The following LSM2 variants were observed in gnomAD, a reference collection of about 807,000 sequenced individuals.
LSM2 encodes the protein LSM2 homolog, U6 small nuclear RNA and mRNA degradation associated.
A neutral mutation model predicts 17.0 loss-of-function variants in LSM2; 12 were observed. That is an observed-to-expected ratio of 0.70 (90% CI 0.45 to 1.14). LSM2 has a LOEUF of 1.14. Among genes scored for constraint, LSM2 ranks in the 50% most tolerant of loss-of-function variants. LSM2 has a pLI of 0.00. For missense variants in LSM2, 62 were observed against 111.8 expected, an observed-to-expected ratio of 0.55 and a Z score of 2.01; for synonymous variants, 42 against 44.5, an observed-to-expected ratio of 0.94 and a Z score of 0.22.
chr6:31,806,898 C>G lies in LSM2; in HGVS notation c.-141G>C. ...CAGCGGGAAGCGACGCAGAAAGCTC[C>G]AAGCGCTGACGGGCAAAGCGCGGCC... On this transcript the variant is annotated 5_prime_UTR_variant, in exon 1 of 5. Coordinates refer to ENST00000375661, the MANE Select transcript of LSM2 (RefSeq NM_021177.5). The G allele has an allele frequency of 8.6e-7, 1 of 1,164,792 alleles. No individual in the cohort carries two copies. Among genetic ancestry groups the G allele is most frequent in the Non-Finnish European group, 1.2e-6 (1 of 847,356 alleles). 72.2% of individuals were successfully genotyped at this position (1,164,792 alleles called of 1,614,324 possible).
chr6:31,805,805 C>T (rs1815000201), intron 2 of LSM2, among the ~76,000 whole-genome samples: 1 of 152,040 alleles, frequency 6.6e-6, no homozygotes, highest in South Asian at 2.1e-4. Context: ...TAAAATTTTT[C>T]TTAGAGATGG....
At chr6:31,803,993 C>CA (rs757528222) in intron 2 of LSM2, among the ~76,000 whole-genome samples, 4 of 152,080 alleles carry the variant, frequency 2.6e-5, no homozygotes, top group Non-Finnish European at 5.9e-5. Context: ...TGCTTGAACT[C>CA]AAAGAATTTG....
At chr6:31,805,952 T>A (rs1815006423) in intron 2 of LSM2, 123 bp downstream of exon 2, 2 of 824,038 alleles carry the variant, frequency 2.4e-6, no homozygotes, top group Non-Finnish European at 3.9e-6. Flanking sequence ...CACTGCACCC[T>A]ATCCATTTAT....
chr6:31,797,445 C>T lies in LSM2; in HGVS notation c.*312G>A, dbSNP rs562128678. The stretch of plus-strand genomic sequence containing the variant: ...ATGCGGGACAGATTCCTTCCATCCC[C>T]AAATGAATCACATGCTGCCCTGGAA... On this transcript the variant is annotated 3_prime_UTR_variant, in exon 5 of 5. Coordinates refer to ENST00000375661, the MANE Select transcript of LSM2 (RefSeq NM_021177.5). 5.6e-5 allele frequency: 19 copies of T among 340,666 alleles called. No homozygotes were observed. The highest frequency in any genetic ancestry group is 9.7e-5 in the Non-Finnish European group (18 of 185,638). The allele number at this position is 340,666 out of a possible 1,614,324, so 21.1% of individuals were successfully genotyped here.
chr6:31,805,667 G>A (rs1814991627), intron 2 of LSM2, among the ~76,000 whole-genome samples: 1 of 151,806 alleles, frequency 6.6e-6, no homozygotes. Flanking sequence ...CAGCCCGTGA[G>A]CCACTGCGCC....
Position 31,801,065 on chromosome 6 carries a change from G to T in LSM2, c.72-2558C>A, listed in dbSNP as rs1197794785. Among the ~76,000 whole-genome samples the T allele has an allele frequency of 2.6e-5, 4 of 151,410 alleles. No individual in the cohort carries two copies. In the East Asian group the frequency reaches 5.8e-4, roughly 22 times the overall value. On this transcript the variant is annotated intron_variant, in intron 2 of 4. Coordinates refer to ENST00000375661, the MANE Select transcript of LSM2 (RefSeq NM_021177.5). ...GCATGCCTGTAGTCCCAGGTATACAGGAGGCTGAGGCACGAGAATCATTTG... is the reference window on the plus strand; with the variant it reads ...GCATGCCTGTAGTCCCAGGTATACATGAGGCTGAGGCACGAGAATCATTTG...
chr6:31,798,089 T>C (rs750616911), intron 3 of LSM2, 40 bp from the exon 4 acceptor site: 2 of 1,465,728 alleles, frequency 1.4e-6, no homozygotes, highest in Non-Finnish European at 9.0e-7. Context: ...TTATTATTTT[T>C]TTTTTTTTGA....
At chr6:31,798,733 C>CTTTTTTTTT (rs9281580) in intron 2 of LSM2, among the ~76,000 whole-genome samples, 2 of 89,866 alleles carry the variant, frequency 2.2e-5, no homozygotes, top group Admixed American at 1.4e-4. Flanking sequence ...CCAATCCATT[C>CTTTTTTTTT]TTTTTTTTTT....
At chr6:31,806,019 G>T in intron 2 of LSM2, 56 bp downstream of exon 2, 1 of 1,485,276 alleles carries the variant, frequency 6.7e-7, no homozygotes, top group Non-Finnish European at 9.4e-7. Flanking sequence ...AATTAAAGAG[G>T]TTCCAGGGCC....
chr6:31,803,155 C>T (rs921533737), intron 2 of LSM2, among the ~76,000 whole-genome samples: 6 of 152,166 alleles, frequency 3.9e-5, no homozygotes, highest in African/African-American at 9.7e-5. Flanking sequence ...TGTTCTAAAA[C>T]GCAAAGGCCC....
At chr6:31,805,309 C>T (rs918699677) in intron 2 of LSM2, among the ~76,000 whole-genome samples, 1 of 152,064 alleles carries the variant, frequency 6.6e-6, no homozygotes, top group Non-Finnish European at 1.5e-5. Flanking sequence ...ATCCTCCTGC[C>T]TCAGCCTCCC....
In LSM2 at chr6:31,797,666, C is replaced by T; in HGVS notation, c.*91G>A. Reference sequence around the variant, plus strand: ...ACCATCATTAGTAAAAAAACAAAACCCCTTCAAGTATTGGGGGTTAGGGGT... The same window carrying T: ...ACCATCATTAGTAAAAAAACAAAACTCCTTCAAGTATTGGGGGTTAGGGGT... On this transcript the variant is annotated 3_prime_UTR_variant, in exon 5 of 5. Coordinates refer to ENST00000375661, the MANE Select transcript of LSM2 (RefSeq NM_021177.5). 6.4e-7 allele frequency: 1 copy of T among 1,574,528 alleles called. No homozygotes were observed. Among genetic ancestry groups the T allele is most frequent in the East Asian group, 2.2e-5 (1 of 44,450 alleles).
chr6:31,806,216 C>T, intron 1 of LSM2, 74 bp from the exon 2 acceptor site: 1 of 1,327,060 alleles, frequency 7.5e-7, no homozygotes, highest in Non-Finnish European at 1.1e-6. Context: ...GACAGTATTA[C>T]CAAATACTGG....
At chr6:31,805,745 A>T (rs1814997065) in intron 2 of LSM2, among the ~76,000 whole-genome samples, 1 of 152,158 alleles carries the variant, frequency 6.6e-6, no homozygotes, top group African/African-American at 2.4e-5. Context: ...TACAATCTCT[A>T]AGCTTATCTG....
intron 2 of LSM2, among the ~76,000 whole-genome samples, chr6:31,803,725 C>T (rs1010575837): frequency 2.6e-5 from 4 of 151,852 alleles, no homozygotes; most frequent in African/African-American, 7.3e-5. Context: ...GGATTACAGG[C>T]GCACAACACA....
chr6:31,805,675 G>A (rs1814992213), intron 2 of LSM2, among the ~76,000 whole-genome samples: 1 of 151,818 alleles, frequency 6.6e-6, no homozygotes, highest in Non-Finnish European at 1.5e-5. Flanking sequence ...GAGCCACTGC[G>A]CCTGACCTGT....
In LSM2 at chr6:31,797,546, A is replaced by G; in HGVS notation, c.*211T>C. 1 of 644,376 alleles carries G rather than the reference A, an allele frequency of 1.6e-6. No individual in the cohort carries two copies. 39.9% of individuals were successfully genotyped at this position (644,376 alleles called of 1,614,324 possible). ...GTGCTGGGGACTGGGAAGGCTTTGA[A>G]GTTTCCCAGCCTACTTATCCTCCCC... On this transcript the variant is annotated 3_prime_UTR_variant, in exon 5 of 5. Transcript: ENST00000375661.
At chr6:31,799,987 T>C (rs867851180) in intron 2 of LSM2, among the ~76,000 whole-genome samples, 1 of 152,094 alleles carries the variant, frequency 6.6e-6, no homozygotes, top group Admixed American at 6.6e-5. Context: ...TGAAGCCAGC[T>C]GGAGAACAGC....
chr6:31,797,406 A>G lies in LSM2; in HGVS notation c.*351T>C, dbSNP rs1408607924. ...GAACCAAAACACAAATTTGCATCAT[A>G]AATTTTATTCCCGATGCGGGACAGA... On this transcript the variant is annotated 3_prime_UTR_variant, in exon 5 of 5. Transcript: ENST00000375661. 2 of 232,478 alleles carry G rather than the reference A, an allele frequency of 8.6e-6. No individual in the cohort carries two copies. 14.4% of individuals were successfully genotyped at this position (232,478 alleles called of 1,614,324 possible).
Sources: gnomAD v4.1 joint callset for allele counts (sites outside exome capture counted in the v4.1 genomes callset) on GRCh38, gnomAD v4.1.1 for gene constraint, MANE v1.5 for transcripts, NCBI Gene and HGNC (gene_info 2026-07-23, HGNC 2026-07-21) for gene names.